NKAIN3: variants seen among roughly 807,000 people sequenced by gnomAD.
NKAIN3 encodes the protein sodium/potassium transporting ATPase interacting 3.
NKAIN3 carries 25 observed loss-of-function variants against 30.2 expected under a neutral mutation model. The ratio of observed to expected loss-of-function variants is 0.83; its 90% CI spans 0.60 to 1.16. The LOEUF is 1.16. Ranked by LOEUF, NKAIN3 falls within the 50% of genes most tolerant of loss-of-function variation. NKAIN3 has a pLI of 0.00. For missense variants in NKAIN3, 225 were observed against 254.1 expected, an observed-to-expected ratio of 0.89 and a Z score of 0.78; for synonymous variants, 91 against 89.6, an observed-to-expected ratio of 1.02 and a Z score of -0.09.
At chr8:62,346,773 A>G (rs544712045) in intron 1 of NKAIN3, among the ~76,000 whole-genome samples, 24 of 152,272 alleles carry the variant, frequency 1.6e-4, no homozygotes, top group Admixed American at 7.2e-4. Context: ...ACTGCAAACT[A>G]TAAGAGTTAG....
intron 4 of NKAIN3, among the ~76,000 whole-genome samples, chr8:62,779,194 G>A (rs1443957060): frequency 1.3e-5 from 2 of 152,104 alleles, no homozygotes; most frequent in Admixed American, 1.3e-4. Flanking sequence ...GGTGACACAA[G>A]CTCTTTCTTG....
intron 5 of NKAIN3, among the ~76,000 whole-genome samples, chr8:62,943,830 G>A (rs183842048): frequency 6.8e-6 from 1 of 148,020 alleles, no homozygotes; most frequent in Non-Finnish European, 1.5e-5. Context: ...ATACACCATG[G>A]ACTATTACTC....
chr8:62,876,405 T>C (rs897278712), intron 4 of NKAIN3, among the ~76,000 whole-genome samples: 6 of 152,166 alleles, frequency 3.9e-5, no homozygotes, highest in African/African-American at 1.4e-4. Flanking sequence ...GACAGTGTGG[T>C]GATTCCTCAA....
At chr8:62,288,803 T>C (rs913943231) in intron 1 of NKAIN3, among the ~76,000 whole-genome samples, 2 of 152,200 alleles carry the variant, frequency 1.3e-5, no homozygotes, top group African/African-American at 4.8e-5. Context: ...TCTAGATCCT[T>C]GAGGAATTGC....
Position 62,836,456 on chromosome 8 carries a change from G to T in NKAIN3, c.472-81997G>T, listed in dbSNP as rs769897904. Among the ~76,000 whole-genome samples the T allele has an allele frequency of 2.6e-5, 4 of 151,860 alleles. 1 individual carries two copies. Among genetic ancestry groups the T allele is most frequent in the Non-Finnish European group, 5.9e-5 (4 of 67,982 alleles). On this transcript the variant is annotated intron_variant, in intron 4 of 6. Transcript: ENST00000623646. ...GTGTCCTGTGACAATAAAATGTATA[G>T]GGAAGATTTCATAAATGTACTAAAT...
At chr8:62,487,553 A>C (rs1806940481) in intron 1 of NKAIN3, among the ~76,000 whole-genome samples, 1 of 152,198 alleles carries the variant, frequency 6.6e-6, no homozygotes, top group Non-Finnish European at 1.5e-5. Context: ...ATGAAGAGAC[A>C]TGGTTGAATT....
chr8:62,734,678 A>G (rs1815591605), intron 3 of NKAIN3, among the ~76,000 whole-genome samples: 1 of 152,226 alleles, frequency 6.6e-6, no homozygotes, highest in Non-Finnish European at 1.5e-5. Flanking sequence ...CACGGAAAGG[A>G]GAATGTTTTG....
At chr8:62,298,798 T>G (rs1225214213) in intron 1 of NKAIN3, among the ~76,000 whole-genome samples, 1 of 150,458 alleles carries the variant, frequency 6.6e-6, no homozygotes, top group Non-Finnish European at 1.5e-5. Flanking sequence ...TAGCTAGCTA[T>G]TAACATATAT....
intron 1 of NKAIN3, among the ~76,000 whole-genome samples, chr8:62,478,700 T>C (rs1234508591): frequency 6.6e-6 from 1 of 152,200 alleles, no homozygotes; most frequent in African/African-American, 2.4e-5. Flanking sequence ...TGGAAAGGTT[T>C]TAAAAAATAT....
At chr8:62,357,029 C>T (rs757855402) in intron 1 of NKAIN3, among the ~76,000 whole-genome samples, 1 of 152,050 alleles carries the variant, frequency 6.6e-6, no homozygotes, top group Non-Finnish European at 1.5e-5. Flanking sequence ...TTGAGACTGG[C>T]AGGTTGAGGC....
intron 4 of NKAIN3, among the ~76,000 whole-genome samples, chr8:62,892,691 G>A (rs1821327568): frequency 8.9e-6 from 1 of 112,644 alleles, no homozygotes; most frequent in South Asian, 2.9e-4. Flanking sequence ...TGTTTTATTT[G>A]GTAAAAAAAA....
intron 4 of NKAIN3, among the ~76,000 whole-genome samples, chr8:62,804,728 T>C (rs1818208886): frequency 6.6e-6 from 1 of 152,180 alleles, no homozygotes; most frequent in South Asian, 2.1e-4. Context: ...GCATTCCCTT[T>C]GAAAACTGGC....
At chr8:62,667,302 A>AATATATATATATTTATATATATATATTCT (rs1813139219) in intron 3 of NKAIN3, among the ~76,000 whole-genome samples, 1 of 140,616 alleles carries the variant, frequency 7.1e-6, no homozygotes, top group Non-Finnish European at 1.5e-5. Flanking sequence ...TATAATAAAA[A>AATATATATATATTTATATATATATATTCT]ATATATATAT....
At chr8:62,965,270 A>C in intron 6 of NKAIN3, 84 bp from the exon 7 acceptor site, 1 of 985,234 alleles carries the variant, frequency 1.0e-6, no homozygotes, top group South Asian at 4.7e-5. Context: ...GCTATTTTGC[A>C]TTTCAAAAGG....
chr8:62,258,989 A>G (rs940629887), intron 1 of NKAIN3, among the ~76,000 whole-genome samples: 3 of 152,328 alleles, frequency 2.0e-5, no homozygotes, highest in South Asian at 4.1e-4. Flanking sequence ...AAAGGTGTTC[A>G]TGTGTTACAC....
At chr8:62,845,072 G>T (rs868266361) in intron 4 of NKAIN3, among the ~76,000 whole-genome samples, 1 of 151,270 alleles carries the variant, frequency 6.6e-6, no homozygotes, top group Non-Finnish European at 1.5e-5. Flanking sequence ...CCACTGCCCC[G>T]ACCTAGAACA....
chr8:62,555,159 T>C (rs1042828305), intron 1 of NKAIN3, among the ~76,000 whole-genome samples: 2 of 122,994 alleles, frequency 1.6e-5, no homozygotes, highest in Non-Finnish European at 3.9e-5. Flanking sequence ...ACCTTAAATA[T>C]ATGCAATATA....
At chr8:62,648,485 A>T (rs1436837369) in intron 3 of NKAIN3, among the ~76,000 whole-genome samples, 1 of 152,184 alleles carries the variant, frequency 6.6e-6, no homozygotes, top group Non-Finnish European at 1.5e-5. Flanking sequence ...GGGTTGCAGG[A>T]GGATACCATG....
chr8:62,615,401 A>C (rs1385404107), intron 3 of NKAIN3, among the ~76,000 whole-genome samples: 1 of 152,038 alleles, frequency 6.6e-6, no homozygotes, highest in Non-Finnish European at 1.5e-5. Context: ...AAAGGAAGGG[A>C]TCTCTTTTGG....
Sources: allele counts gnomAD v4.1 joint callset (sites outside exome capture counted in the v4.1 genomes callset), GRCh38; gene constraint gnomAD v4.1.1; transcripts MANE v1.5; gene names NCBI Gene and HGNC (gene_info 2026-07-23, HGNC 2026-07-21).